The following SLC8A1 variants were observed in gnomAD, a reference collection of about 807,000 sequenced individuals.
The protein encoded by SLC8A1 is solute carrier family 8 member A1.
SLC8A1 carries 18 observed loss-of-function variants against 68.3 expected under a neutral mutation model. That is an observed-to-expected ratio of 0.26 (90% CI 0.18 to 0.39). The LOEUF is 0.39. Ranked by LOEUF, SLC8A1 falls within the 10% of genes least tolerant of loss-of-function variation. The probability of loss-of-function intolerance (pLI) is 1.00; values close to 1 mark genes in which losing one functional copy is unlikely to be tolerated. For missense variants in SLC8A1, 985 were observed against 1,156.7 expected, an observed-to-expected ratio of 0.85 and a Z score of 2.15; for synonymous variants, 475 against 415.5, an observed-to-expected ratio of 1.14 and a Z score of -1.74.
intron 2 of SLC8A1, among the ~76,000 whole-genome samples, chr2:40,416,261 AT>A (rs1693842991): frequency 6.6e-6 from 1 of 152,168 alleles, no homozygotes; most frequent in South Asian, 2.1e-4. Context: ...AGGTCAACTT[AT>A]ATAAGACACT....
intron 2 of SLC8A1, among the ~76,000 whole-genome samples, chr2:40,376,593 G>T: frequency 6.6e-6 from 1 of 152,048 alleles, no homozygotes; most frequent in East Asian, 1.9e-4. Context: ...AAAAGGGAAA[G>T]GGAAAAGGAA....
intron 1 of SLC8A1, among the ~76,000 whole-genome samples, chr2:40,472,670 A>G (rs116490589): frequency 6.6e-6 from 1 of 152,162 alleles, no homozygotes; most frequent in Non-Finnish European, 1.5e-5. Flanking sequence ...GCCCAGCCCA[A>G]ATGTGTTTTC....
chr2:40,345,445 C>A (rs958084014), intron 2 of SLC8A1, among the ~76,000 whole-genome samples: 1 of 151,882 alleles, frequency 6.6e-6, no homozygotes, highest in Non-Finnish European at 1.5e-5. Flanking sequence ...CAACAAAGCT[C>A]AAGAAGATTG....
Position 40,131,942 on chromosome 2 carries a change from A to G in SLC8A1, c.2437+7459T>C, listed in dbSNP as rs1354638320. On this transcript the variant is annotated intron_variant, in intron 7 of 7. Coordinates refer to ENST00000406785, the Ensembl canonical transcript of SLC8A1. Reference sequence around the variant, plus strand: ...TGTCTTAGTGATTAAATTTTTACATACAGGAAATGCTAATAGTTTACAGGT... The same window carrying G: ...TGTCTTAGTGATTAAATTTTTACATGCAGGAAATGCTAATAGTTTACAGGT... 2.1e-5 allele frequency among the ~76,000 whole-genome samples: 3 copies of G among 146,048 alleles called. No homozygotes were observed. In the East Asian group the frequency reaches 6.0e-4, roughly 29 times the overall value.
intron 2 of SLC8A1, among the ~76,000 whole-genome samples, chr2:40,263,711 T>G (rs2065002667): frequency 6.6e-6 from 1 of 151,928 alleles, no homozygotes; most frequent in African/African-American, 2.4e-5. Flanking sequence ...AAAAATTAAT[T>G]CAAGATGGAT....
chr2:40,388,519 A>T (rs974010119), intron 2 of SLC8A1, among the ~76,000 whole-genome samples: 1 of 152,158 alleles, frequency 6.6e-6, no homozygotes, highest in Admixed American at 6.5e-5. Context: ...AGGCTCATTT[A>T]CTGATGAGAG....
At chr2:40,129,763 A>G (rs937175911) in intron 7 of SLC8A1, among the ~76,000 whole-genome samples, 4 of 152,206 alleles carry the variant, frequency 2.6e-5, no homozygotes, top group African/African-American at 9.6e-5. Flanking sequence ...GCACACCTGT[A>G]CAGCATGATG....
exon 8 of SLC8A1, chr2:40,107,356 G>A (rs1170435298): frequency 2.0e-5 from 3 of 151,028 alleles, no homozygotes; most frequent in Non-Finnish European, 4.4e-5. Context: ...TATGTTTGGA[G>A]GGAAAATATA....
intron 2 of SLC8A1, among the ~76,000 whole-genome samples, chr2:40,326,199 C>G (rs541220579): frequency 6.6e-6 from 1 of 152,262 alleles, no homozygotes; most frequent in Middle Eastern, 3.4e-3. Flanking sequence ...GGGACCGCAG[C>G]GTGGAAAAGG....
chr2:40,437,448 G>C (rs1699656650), intron 1 of SLC8A1, among the ~76,000 whole-genome samples: 1 of 152,130 alleles, frequency 6.6e-6, no homozygotes, highest in Admixed American at 6.6e-5. Context: ...AGGATCATCA[G>C]CTGAAGACAG....
intron 4 of SLC8A1, among the ~76,000 whole-genome samples, chr2:40,167,827 C>G (rs1421900503): frequency 2.0e-5 from 3 of 152,148 alleles, no homozygotes; most frequent in African/African-American, 7.2e-5. Flanking sequence ...AGACCATGGA[C>G]ATTTTCATAG....
At chr2:40,260,327 G>C (rs1055893962) in intron 2 of SLC8A1, among the ~76,000 whole-genome samples, 1 of 152,166 alleles carries the variant, frequency 6.6e-6, no homozygotes, top group Non-Finnish European at 1.5e-5. Flanking sequence ...CAGCTACAGA[G>C]GTCCTTAGCC....
intron 1 of SLC8A1, among the ~76,000 whole-genome samples, chr2:40,500,821 TTTTGGC>T (rs1706014781): frequency 7.0e-6 from 1 of 142,744 alleles, no homozygotes; most frequent in South Asian, 2.3e-4. Context: ...TTTTTTTTTT[TTTTGGC>T]TTTTGCCTCT....
chr2:40,264,061 C>CAA, intron 2 of SLC8A1, among the ~76,000 whole-genome samples: 1 of 152,066 alleles, frequency 6.6e-6, no homozygotes, highest in African/African-American at 2.4e-5. Flanking sequence ...ACACTTCTTG[C>CAA]AAGAAGACAT....
intron 2 of SLC8A1, among the ~76,000 whole-genome samples, chr2:40,350,916 A>G (rs906883047): frequency 2.6e-5 from 4 of 152,156 alleles, no homozygotes; most frequent in Admixed American, 6.5e-5. Flanking sequence ...TGGGGCTTTA[A>G]GAGGTTATGT....
At chr2:40,499,964 G>A (rs1705948553) in intron 1 of SLC8A1, among the ~76,000 whole-genome samples, 2 of 152,056 alleles carry the variant, frequency 1.3e-5, no homozygotes, top group Admixed American at 1.3e-4. Flanking sequence ...TTTATAGAAA[G>A]TGGGAAAAGG....
intron 2 of SLC8A1, among the ~76,000 whole-genome samples, chr2:40,333,271 T>C (rs760541492): frequency 1.4e-4 from 21 of 151,914 alleles, no homozygotes; most frequent in Non-Finnish European, 2.5e-4. Context: ...ACTTCGTCTC[T>C]ACTAAAAATA....
chr2:40,347,775 AAG>A (rs1400531394), intron 2 of SLC8A1, among the ~76,000 whole-genome samples: 1 of 152,206 alleles, frequency 6.6e-6, no homozygotes, highest in African/African-American at 2.4e-5. Flanking sequence ...TGACCAACAA[AAG>A]AGATCTTTAG....
At chr2:40,316,533 G>T (rs1270155422) in intron 2 of SLC8A1, among the ~76,000 whole-genome samples, 2 of 151,960 alleles carry the variant, frequency 1.3e-5, no homozygotes, top group African/African-American at 4.8e-5. Flanking sequence ...TGTGTTCTTT[G>T]TTTAAGCCTG....
Sources: gnomAD v4.1 joint callset for allele counts (sites outside exome capture counted in the v4.1 genomes callset) on GRCh38, gnomAD v4.1.1 for gene constraint, MANE v1.5 for transcripts, NCBI Gene and HGNC (gene_info 2026-07-23, HGNC 2026-07-21) for gene names.